The following PITPNM3 variants were observed in gnomAD, a reference collection of about 807,000 sequenced individuals.
PITPNM3 encodes the protein PITPNM family member 3.
In PITPNM3, 26 loss-of-function variants were observed where a neutral mutation model predicts 102.0. The observed-to-expected ratio is 0.25, with a 90% CI of 0.19 to 0.35. The LOEUF (loss-of-function observed/expected upper bound fraction) is 0.35. Ranked by LOEUF, PITPNM3 falls within the 10% of genes least tolerant of loss-of-function variation. The pLI is 1.00. For synonymous variants in PITPNM3, 578 were observed against 558.6 expected (o/e 1.03, Z -0.49); for missense variants, 1,083 against 1,346.1 (o/e 0.80, Z 3.06).
In PITPNM3 at chr17:6,556,252, C is replaced by T; in HGVS notation, c.22+133G>A. 1.5e-6 allele frequency: 1 copy of T among 667,114 alleles called. No homozygotes were observed. The highest frequency in any genetic ancestry group is 2.1e-6 in the Non-Finnish European group (1 of 474,664). 41.3% of individuals were successfully genotyped at this position (667,114 alleles called of 1,614,324 possible). ...TCCACGCGCGGGAGGTCCAGCCCCG[C>T]TACCGCCCCCTACGCCCTCCCGGGA... On this transcript the variant is annotated intron_variant, in intron 1 of 19. Transcript: ENST00000262483. The surrounding 1 kb of genome is among the most constrained non-coding windows in gnomAD (Gnocchi z 5.2).
chr17:6,477,474 TCA>T (rs1905376832), intron 8 of PITPNM3, among the ~76,000 whole-genome samples: 1 of 152,212 alleles, frequency 6.6e-6, no homozygotes. Flanking sequence ...TCTCCAGGCC[TCA>T]GTTTCCACAC....
rs936883910 is a variant in PITPNM3 at position 6,477,277 on chromosome 17, G to C, written c.901-64C>G. 2.6e-6 allele frequency: 4 copies of C among 1,547,590 alleles called. No individual in the cohort carries two copies. The African/African-American group carries it at 5.4e-5, about 21-fold the overall frequency. ...TTGTCACGGGAGACTCTGGGGCCTTGTCTCCTCCCCCCAAGCACAAACCAA... is the reference window on the plus strand; with the variant it reads ...TTGTCACGGGAGACTCTGGGGCCTTCTCTCCTCCCCCCAAGCACAAACCAA... On this transcript the variant is annotated intron_variant, in intron 8 of 19. Coordinates refer to ENST00000262483, the MANE Select transcript of PITPNM3 (RefSeq NM_031220.4).
chr17:6,505,653 C>A (rs1286035031), intron 3 of PITPNM3, among the ~76,000 whole-genome samples: 4 of 152,204 alleles, frequency 2.6e-5, no homozygotes, highest in Non-Finnish European at 5.9e-5. Flanking sequence ...GAAACTCTGG[C>A]GTCCCTAAGA....
At chr17:6,482,040 G>GTCTC (rs56855120) in intron 6 of PITPNM3, among the ~76,000 whole-genome samples, 14 of 55,180 alleles carry the variant, frequency 2.5e-4, no homozygotes, top group Non-Finnish European at 5.8e-4. Flanking sequence ...CTCTCTGTCT[G>GTCTC]TCTCTCTCTC....
At chr17:6,513,147 G>A (rs1350812098) in intron 3 of PITPNM3, among the ~76,000 whole-genome samples, 2 of 151,044 alleles carry the variant, frequency 1.3e-5, no homozygotes, top group Non-Finnish European at 2.9e-5. Flanking sequence ...AAATAGGAGG[G>A]AACTTCATCA....
chr17:6,453,382 G>A lies in PITPNM3; in HGVS notation c.*1956C>T, dbSNP rs1253899615. The A allele has an allele frequency of 6.6e-6, 1 of 152,368 alleles. No homozygotes were observed. The highest frequency in any genetic ancestry group is 2.4e-5 in the African/African-American group (1 of 41,446). 9.4% of individuals were successfully genotyped at this position (152,368 alleles called of 1,614,324 possible). On this transcript the variant is annotated 3_prime_UTR_variant, in exon 20 of 20. Coordinates refer to ENST00000262483, the MANE Select transcript of PITPNM3 (RefSeq NM_031220.4). ...TGGGGTGGCTATGCCATATGAGCTG[G>A]TGCCTTTGGAAAGCCAAGAACTGTG...
At chr17:6,486,701 AC>A (rs1184826942) in intron 4 of PITPNM3, among the ~76,000 whole-genome samples, 4 of 152,284 alleles carry the variant, frequency 2.6e-5, no homozygotes, top group Non-Finnish European at 2.9e-5. Flanking sequence ...TTTCTAACTT[AC>A]TAAAGACCTT....
At chr17:6,500,637 T>A (rs1907112308) in intron 4 of PITPNM3, among the ~76,000 whole-genome samples, 1 of 152,100 alleles carries the variant, frequency 6.6e-6, no homozygotes, top group South Asian at 2.1e-4. Flanking sequence ...GCTCCAAAAT[T>A]CATCTGCACA....
At chr17:6,463,615 GC>G in intron 17 of PITPNM3, 116 bp downstream of exon 17, 2 of 1,416,100 alleles carry the variant, frequency 1.4e-6, no homozygotes, top group Non-Finnish European at 9.5e-7. Flanking sequence ...TTCTCAGCTC[GC>G]AGCCCCAGAG....
At chr17:6,476,624 C>A (rs1445073727) in intron 9 of PITPNM3, among the ~76,000 whole-genome samples, 1 of 152,260 alleles carries the variant, frequency 6.6e-6, no homozygotes, top group Non-Finnish European at 1.5e-5. Context: ...TTGACCCTCT[C>A]TTTCCCTATG....
At chr17:6,473,925 T>C (rs566488260) in intron 10 of PITPNM3, among the ~76,000 whole-genome samples, 8 of 140,980 alleles carry the variant, frequency 5.7e-5, no homozygotes, top group East Asian at 4.2e-4. Context: ...TGCAGTGAGC[T>C]GAGATCGCGC....
intron 3 of PITPNM3, among the ~76,000 whole-genome samples, chr17:6,514,703 CAA>C (rs1908055459): frequency 6.6e-6 from 1 of 152,142 alleles, no homozygotes; most frequent in South Asian, 2.1e-4. Context: ...GGCAGCTCTT[CAA>C]AAAGTTAAAC....
At chr17:6,533,612 G>A (rs1457184793) in intron 2 of PITPNM3, among the ~76,000 whole-genome samples, 1 of 151,908 alleles carries the variant, frequency 6.6e-6, no homozygotes, top group Non-Finnish European at 1.5e-5. Context: ...GTGTCACCAT[G>A]CCCAGCTAAT....
chr17:6,527,972 T>C (rs2150647989), intron 2 of PITPNM3, among the ~76,000 whole-genome samples: 1 of 152,324 alleles, frequency 6.6e-6, no homozygotes, highest in Middle Eastern at 3.4e-3. Flanking sequence ...CTTTCCTCTT[T>C]TTCCTAATCA....
At position 6,533,632 on chromosome 17, in the gene PITPNM3, T is replaced by A. The variant is rs530816543; in HGVS notation, c.118+4355A>T. ...ACCATGCCCAGCTAATTTTTTTGTATCTTTAGTAGAGACGGGCTTTCACCA... is the reference window on the plus strand; with the variant it reads ...ACCATGCCCAGCTAATTTTTTTGTAACTTTAGTAGAGACGGGCTTTCACCA... On this transcript the variant is annotated intron_variant, in intron 2 of 19. Coordinates refer to ENST00000262483, the MANE Select transcript of PITPNM3 (RefSeq NM_031220.4). 2.0e-5 allele frequency among the ~76,000 whole-genome samples: 3 copies of A among 152,156 alleles called. No individual in the cohort carries two copies. In the East Asian group the frequency reaches 5.8e-4, roughly 29 times the overall value.
intron 3 of PITPNM3, among the ~76,000 whole-genome samples, chr17:6,511,484 G>A (rs906317560): frequency 6.6e-6 from 1 of 152,224 alleles, no homozygotes; most frequent in African/African-American, 2.4e-5. Flanking sequence ...GAGATCTAAG[G>A]AGGGAGGCAG....
rs1023460881 is a variant in PITPNM3 at position 6,455,227 on chromosome 17, G to C, written c.*111C>G. ...TGGTCGGACACTGCTGGACAGACAC[G>C]GGAGGGAAAAAGCAGGAAAACGCCT... On this transcript the variant is annotated 3_prime_UTR_variant, in exon 20 of 20. Coordinates refer to ENST00000262483, the MANE Select transcript of PITPNM3 (RefSeq NM_031220.4). 8 of 1,342,524 alleles carry C rather than the reference G, an allele frequency of 6.0e-6. No homozygotes were observed. The East Asian group carries it at 1.0e-4, about 17-fold the overall frequency. 83.2% of individuals were successfully genotyped at this position (1,342,524 alleles called of 1,614,324 possible). A position where few individuals can be genotyped will look rare whatever the true frequency, so the allele number is the denominator to read the frequency against.
chr17:6,511,448 G>A (rs1269866536), intron 3 of PITPNM3, among the ~76,000 whole-genome samples: 1 of 152,158 alleles, frequency 6.6e-6, no homozygotes, highest in Non-Finnish European at 1.5e-5. Context: ...GAAACTGTGT[G>A]GCATCCCCAA....
At chr17:6,479,428 G>A (rs1388191497) in intron 6 of PITPNM3, 1 of 152,666 alleles carries the variant, frequency 6.6e-6, no homozygotes, top group African/African-American at 2.4e-5. Context: ...CCTCCTCTCT[G>A]GGCAGCTCAG....
Sources: allele counts gnomAD v4.1 joint callset (sites outside exome capture counted in the v4.1 genomes callset), GRCh38; gene constraint gnomAD v4.1.1; non-coding constraint Gnocchi (gnomAD v3.1); transcripts MANE v1.5; gene names NCBI Gene and HGNC (gene_info 2026-07-23, HGNC 2026-07-21).